NOS1AP: variants seen among roughly 807,000 people sequenced by gnomAD.
NOS1AP encodes the protein nitric oxide synthase 1 adaptor protein.
NOS1AP carries 21 observed loss-of-function variants against 56.2 expected under a neutral mutation model. The ratio of observed to expected loss-of-function variants is 0.37; its 90% CI spans 0.26 to 0.54. NOS1AP has a LOEUF of 0.54. Ranked by LOEUF, NOS1AP falls within the 20% of genes least tolerant of loss-of-function variation. The pLI is 0.84. For synonymous variants in NOS1AP, 270 were observed against 274.6 expected (o/e 0.98, Z 0.17); for missense variants, 522 against 657.8 (o/e 0.79, Z 2.26).
chr1:162,129,991 T>C (rs1420189235), intron 1 of NOS1AP, among the ~76,000 whole-genome samples: 1 of 152,216 alleles, frequency 6.6e-6, no homozygotes, highest in Non-Finnish European at 1.5e-5. Flanking sequence ...TACTTGTTGG[T>C]TGAGTGTCGA....
chr1:162,248,134 A>T (rs939967771), intron 2 of NOS1AP, among the ~76,000 whole-genome samples: 2 of 152,026 alleles, frequency 1.3e-5, no homozygotes, highest in African/African-American at 2.4e-5. Flanking sequence ...TATATATATA[A>T]ATCAAAAGAC....
intron 2 of NOS1AP, among the ~76,000 whole-genome samples, chr1:162,160,823 A>G (rs1650173062): frequency 6.6e-6 from 1 of 152,202 alleles, no homozygotes; most frequent in Non-Finnish European, 1.5e-5. Context: ...GTAACAAATT[A>G]TTTAATAATA....
intron 4 of NOS1AP, among the ~76,000 whole-genome samples, chr1:162,306,355 A>G (rs1395543905): frequency 6.6e-6 from 1 of 152,160 alleles, no homozygotes; most frequent in African/African-American, 2.4e-5. Flanking sequence ...AGGTATAGAG[A>G]AAAGTGAGGA....
intron 2 of NOS1AP, among the ~76,000 whole-genome samples, chr1:162,173,092 C>T (rs1650879100): frequency 1.3e-5 from 2 of 152,136 alleles, no homozygotes; most frequent in South Asian, 4.1e-4. Flanking sequence ...CCATGCCCAG[C>T]TAATTTTTTG....
chr1:162,113,749 C>A (rs1022571838), intron 1 of NOS1AP, among the ~76,000 whole-genome samples: 2 of 152,074 alleles, frequency 1.3e-5, no homozygotes, highest in African/African-American at 4.8e-5. Context: ...TCCTGCCAGG[C>A]CCCACCTCCC....
chr1:162,342,036 C>G (rs1337945329), intron 5 of NOS1AP, among the ~76,000 whole-genome samples: 1 of 152,192 alleles, frequency 6.6e-6, no homozygotes, highest in Non-Finnish European at 1.5e-5. Flanking sequence ...GTCTTACACA[C>G]TGCAAGCCTA....
At chr1:162,309,963 A>G (rs1655971016) in intron 4 of NOS1AP, among the ~76,000 whole-genome samples, 1 of 152,176 alleles carries the variant, frequency 6.6e-6, no homozygotes, top group Admixed American at 6.5e-5. Context: ...ATGCTGTAAT[A>G]TTTAGTCACT....
intron 5 of NOS1AP, chr1:162,342,501 A>C (rs1332042700): frequency 6.4e-6 from 3 of 471,984 alleles, no homozygotes; most frequent in African/African-American, 4.0e-5. Context: ...GGACTACAGC[A>C]GTTGTTCCAT....
chr1:162,224,539 T>C (rs771403894), intron 2 of NOS1AP, among the ~76,000 whole-genome samples: 1 of 152,174 alleles, frequency 6.6e-6, no homozygotes, highest in South Asian at 2.1e-4. Flanking sequence ...AAAGGTCACA[T>C]AGAAAGACAA....
At chr1:162,113,053 G>A (rs1647775196) in intron 1 of NOS1AP, among the ~76,000 whole-genome samples, 1 of 152,148 alleles carries the variant, frequency 6.6e-6, no homozygotes, top group Non-Finnish European at 1.5e-5. Flanking sequence ...GGTATATTAG[G>A]TCAGTGGGTA....
At chr1:162,233,968 C>G (rs1375243446) in intron 2 of NOS1AP, among the ~76,000 whole-genome samples, 1 of 152,140 alleles carries the variant, frequency 6.6e-6, no homozygotes, top group Non-Finnish European at 1.5e-5. Flanking sequence ...GTGGTAGTAA[C>G]CTACTTTGAG....
chr1:162,265,997 G>A (rs955054386), intron 2 of NOS1AP, among the ~76,000 whole-genome samples: 3 of 152,198 alleles, frequency 2.0e-5, no homozygotes, highest in Non-Finnish European at 4.4e-5. Flanking sequence ...TAGGATGGAC[G>A]AGGGGACTAA....
chr1:162,113,675 T>C lies in NOS1AP; in HGVS notation c.106-40730T>C, dbSNP rs574096481. ...CACACACTTTTAAACAACCACATCT[T>C]GTGAAAACTCTGTATCACCAGAACA... On this transcript the variant is annotated intron_variant, in intron 1 of 9. Transcript: ENST00000361897. Among the ~76,000 whole-genome samples, 5 of 152,222 alleles carry C rather than the reference T, an allele frequency of 3.3e-5. No individual in the cohort carries two copies. The East Asian group carries it at 9.7e-4, about 29-fold the overall frequency.
intron 2 of NOS1AP, among the ~76,000 whole-genome samples, chr1:162,205,730 A>C (rs1369185550): frequency 6.6e-6 from 1 of 152,200 alleles, no homozygotes; most frequent in Non-Finnish European, 1.5e-5. Flanking sequence ...CTTGCTGTAG[A>C]TCAGGCCTGT....
At chr1:162,365,758 T>G (rs1658066227) in intron 9 of NOS1AP, among the ~76,000 whole-genome samples, 189 bp downstream of exon 9, 1 of 152,150 alleles carries the variant, frequency 6.6e-6, no homozygotes, top group African/African-American at 2.4e-5. Flanking sequence ...CCAAAGGAGA[T>G]CTCGGGTGCC....
At chr1:162,262,326 C>G (rs1409838915) in intron 2 of NOS1AP, among the ~76,000 whole-genome samples, 1 of 152,134 alleles carries the variant, frequency 6.6e-6, no homozygotes, top group African/African-American at 2.4e-5. Context: ...ATTCCAGAAC[C>G]CTCATTCTTT....
chr1:162,362,475 G>GA (rs1657937310), intron 8 of NOS1AP, among the ~76,000 whole-genome samples: 1 of 148,672 alleles, frequency 6.7e-6, no homozygotes, highest in Non-Finnish European at 1.5e-5. Context: ...AAAAAAGAAA[G>GA]AAAGAAAAGA....
chr1:162,077,128 C>T (rs1691785943), intron 1 of NOS1AP, among the ~76,000 whole-genome samples: 1 of 151,942 alleles, frequency 6.6e-6, no homozygotes. Context: ...TGGCTGGGTC[C>T]CATGGTAACC....
At chr1:162,209,645 T>C (rs1652281426) in intron 2 of NOS1AP, among the ~76,000 whole-genome samples, 1 of 152,232 alleles carries the variant, frequency 6.6e-6, no homozygotes, top group Non-Finnish European at 1.5e-5. Flanking sequence ...AGAACACTTT[T>C]TAAATACTCA....
Sources: allele counts gnomAD v4.1 joint callset (sites outside exome capture counted in the v4.1 genomes callset), GRCh38; gene constraint gnomAD v4.1.1; transcripts MANE v1.5; gene names NCBI Gene and HGNC (gene_info 2026-07-23, HGNC 2026-07-21).